The following RGPD1 variants were observed in gnomAD, a reference collection of about 807,000 sequenced individuals.
RGPD1 encodes RANBP2 like and GRIP domain containing 1, also known as RANBP2-like and GRIP domain-containing protein 1.
Under a neutral mutation model 40.6 loss-of-function variants are expected in RGPD1, and 7 were observed. The observed-to-expected ratio is 0.17, with a 90% CI of 0.10 to 0.32. The LOEUF (loss-of-function observed/expected upper bound fraction) is 0.32, where lower values mean the gene tolerates loss of function less well. Among genes scored for constraint, RGPD1 ranks in the 10% least tolerant of loss-of-function variants. The pLI is 1.00. For synonymous variants in RGPD1, 24 were observed against 167.0 expected, an observed-to-expected ratio of 0.14 and a Z score of 6.60; for missense variants, 50 against 472.5, an observed-to-expected ratio of 0.11 and a Z score of 8.29.
chr2:86,926,997 G>C (rs1678557221), intron 1 of RGPD1, among the ~76,000 whole-genome samples: 1 of 152,160 alleles, frequency 6.6e-6, no homozygotes, highest in African/African-American at 2.4e-5. Flanking sequence ...CCTTGGTACT[G>C]TTCCTGATCT....
At chr2:86,997,130 C>T (rs981512684) in intron 21 of RGPD1, among the ~76,000 whole-genome samples, 2 of 149,048 alleles carry the variant, frequency 1.3e-5, no homozygotes, top group South Asian at 2.1e-4. Flanking sequence ...TGACTCATTT[C>T]CACCTCTTCA....
chr2:87,000,338 G>A (rs1185229778), intron 22 of RGPD1, among the ~76,000 whole-genome samples: 3 of 125,354 alleles, frequency 2.4e-5, no homozygotes, highest in Non-Finnish European at 4.7e-5. Context: ...TAATGTAGAC[G>A]TTGCTAACGT....
At chr2:86,962,523 A>G (rs1260598179) in intron 6 of RGPD1, among the ~76,000 whole-genome samples, 1 of 125,370 alleles carries the variant, frequency 8.0e-6, no homozygotes, top group East Asian at 2.0e-4. Flanking sequence ...AAAAAAAAAA[A>G]AAAAAAAAAA....
Position 87,010,968 on chromosome 2 carries a change from A to G in RGPD1, c.5237-1545A>G, listed in dbSNP as rs543275804. Among the ~76,000 whole-genome samples the G allele has an allele frequency of 8.4e-4, 73 of 87,292 alleles. 11 individuals carry two copies. In the South Asian group the frequency reaches 0.029, roughly 35 times the overall value. 57.3% of individuals were successfully genotyped at this position (87,292 alleles called of 152,430 possible). A position where few individuals can be genotyped will look rare whatever the true frequency, so the allele number is the denominator to read the frequency against. ...GAGCAAAGTTTTGCTCCTTTCCGAGAGGTGAACACGTTACGCAATTATTAA... is the reference window on the plus strand; with the variant it reads ...GAGCAAAGTTTTGCTCCTTTCCGAGGGGTGAACACGTTACGCAATTATTAA... On this transcript the variant is annotated intron_variant, in intron 22 of 22. Coordinates refer to ENST00000641458, the MANE Select transcript of RGPD1 (RefSeq NM_001382344.1).
upstream of RGPD1, among the ~76,000 whole-genome samples, chr2:86,938,608 A>G (rs1320376723): frequency 6.6e-6 from 1 of 151,246 alleles, no homozygotes; most frequent in East Asian, 1.9e-4. Context: ...TCAAAAAAAA[A>G]AAAAAATAAA....
intron 1 of RGPD1, among the ~76,000 whole-genome samples, chr2:86,928,453 C>T (rs1678665354): frequency 6.6e-6 from 1 of 152,090 alleles, no homozygotes; most frequent in South Asian, 2.1e-4. Context: ...GGGGATTAAA[C>T]AGAGGAGGGA....
chr2:86,939,465 G>A (rs1334162345), upstream of RGPD1, among the ~76,000 whole-genome samples: 3 of 148,946 alleles, frequency 2.0e-5, no homozygotes, highest in African/African-American at 7.4e-5. Context: ...TGTAATCCCA[G>A]CTACTCGGGA....
intron 6 of RGPD1, among the ~76,000 whole-genome samples, chr2:86,962,507 C>CAAAA (rs61486857): frequency 3.3e-5 from 1 of 29,906 alleles, no homozygotes; most frequent in Non-Finnish European, 5.6e-5. Context: ...GACTCTGTCT[C>CAAAA]AAAAAAAAAA....
intron 1 of RGPD1, among the ~76,000 whole-genome samples, chr2:86,947,751 T>C (rs1474826764): frequency 2.1e-5 from 3 of 140,946 alleles, no homozygotes; most frequent in Middle Eastern, 3.5e-3. Context: ...AATTCATGTT[T>C]CAGTATCTAG....
rs1423645086 is a variant in RGPD1 at position 86,942,154 on chromosome 2, C to T, written c.-83C>T. ...CTCCGCCGGCTACGTCAGTGGCTTT[C>T]AGGCGCTTTCCTGTTGGAATTGGCG... On this transcript the variant is annotated 5_prime_UTR_variant, in exon 1 of 23. Transcript: ENST00000641458. 3.5e-5 allele frequency: 53 copies of T among 1,514,328 alleles called. No homozygotes were observed. Among genetic ancestry groups the T allele is most frequent in the Non-Finnish European group, 4.4e-5 (49 of 1,125,542 alleles). The allele number at this position is 1,514,328 out of a possible 1,614,324, so 93.8% of individuals were successfully genotyped here.
upstream of RGPD1, among the ~76,000 whole-genome samples, chr2:86,938,219 T>TA (rs1415796887): frequency 1.3e-5 from 1 of 79,224 alleles, no homozygotes; most frequent in Non-Finnish European, 2.2e-5. Flanking sequence ...TTGGAGACTA[T>TA]TGATACTCAT....
intron 1 of RGPD1, among the ~76,000 whole-genome samples, chr2:86,923,143 GT>G (rs1423152100): frequency 5.1e-4 from 73 of 143,028 alleles, no homozygotes; most frequent in Admixed American, 1.5e-3. Flanking sequence ...GGTTCAAGCA[GT>G]TCTCCTGTCT....
intron 1 of RGPD1, among the ~76,000 whole-genome samples, chr2:86,928,719 G>T (rs570505087): frequency 2.6e-5 from 4 of 152,290 alleles, no homozygotes; most frequent in African/African-American, 9.6e-5. Flanking sequence ...AAAGGCATTG[G>T]CAATGAGAAA....
chr2:86,939,497 T>C (rs1679575924), upstream of RGPD1, among the ~76,000 whole-genome samples: 1 of 145,742 alleles, frequency 6.9e-6, no homozygotes, highest in Non-Finnish European at 1.5e-5. Context: ...AAGAATTGCT[T>C]GAACCTGGGA....
At chr2:86,923,021 C>T (rs1678139121) in intron 1 of RGPD1, among the ~76,000 whole-genome samples, 1 of 109,692 alleles carries the variant, frequency 9.1e-6, no homozygotes, top group Non-Finnish European at 1.8e-5. Context: ...TATCAGGTTC[C>T]ATGGTATATT....
rs1310827407 is a variant in RGPD1, at chr2:87,013,568, A to T, written c.*1021A>T. The T allele has an allele frequency of 1.2e-5, 1 of 82,046 alleles. No individual in the cohort carries two copies. Among genetic ancestry groups the T allele is most frequent in the Non-Finnish European group, 2.4e-5 (1 of 42,268 alleles). The allele number at this position is 82,046 out of a possible 1,614,324, so 5.1% of individuals were successfully genotyped here. ...GATGGGGGAATGGCAGGCTTTTCCG[A>T]GGCTGAAAGAGATCCAACCCACTTC... On this transcript the variant is annotated 3_prime_UTR_variant, in exon 23 of 23. Coordinates refer to ENST00000641458, the MANE Select transcript of RGPD1 (RefSeq NM_001382344.1).
At chr2:86,933,368 C>T (rs1322349650) in intron 1 of RGPD1, among the ~76,000 whole-genome samples, 1 of 150,532 alleles carries the variant, frequency 6.6e-6, no homozygotes. Context: ...TAAATATAGT[C>T]TTTAGAAATG....
chr2:86,914,182 A>G lies in RGPD1; in HGVS notation c.72+261A>G, dbSNP rs866889884. On this transcript the variant is annotated intron_variant, in intron 1 of 22. Transcript: ENST00000398193. ...GCGGCCTCGGCCTCGGCCTGGCCGG[A>G]CGGCGGCGGCGGCCTCGGCCTGGCC... Among the ~76,000 whole-genome samples the G allele has an allele frequency of 8.3e-3, 178 of 21,418 alleles. 3 individuals carry two copies. Among genetic ancestry groups the G allele is most frequent in the African/African-American group, 0.019 (91 of 4,744 alleles). 14.1% of individuals were successfully genotyped at this position (21,418 alleles called of 152,430 possible). A position where few individuals can be genotyped will look rare whatever the true frequency, so the allele number is the denominator to read the frequency against.
chr2:86,997,078 C>T (rs1681807378), intron 21 of RGPD1, among the ~76,000 whole-genome samples: 1 of 149,926 alleles, frequency 6.7e-6, no homozygotes, highest in Non-Finnish European at 1.5e-5. Flanking sequence ...ACACAGGATG[C>T]ATCCTCTCCT....
Sources: gnomAD v4.1 joint callset for allele counts (sites outside exome capture counted in the v4.1 genomes callset) on GRCh38, gnomAD v4.1.1 for gene constraint, MANE v1.5 for transcripts, NCBI Gene and HGNC (gene_info 2026-07-23, HGNC 2026-07-21) for gene names.